Variants in NOX1 observed in about 807,000 individuals in gnomAD.
The protein encoded by NOX1 is NADPH oxidase 1.
Under a neutral mutation model 42.5 loss-of-function variants are expected in NOX1, and 34 were observed. That is an observed-to-expected ratio of 0.80 (90% CI 0.61 to 1.07). The LOEUF (loss-of-function observed/expected upper bound fraction) is 1.07, where lower values mean the gene tolerates loss of function less well. NOX1 is among the 50% of genes least tolerant of loss of function. The pLI is 0.00. For missense variants in NOX1, 408 were observed against 427.0 expected (o/e 0.96, Z 0.39); for synonymous variants, 143 against 152.5 (o/e 0.94, Z 0.46).
At chrX:100,855,594 C>A in intron 7 of NOX1, 1 of 982,115 alleles carries the variant, frequency 1.0e-6, no homozygotes, top group Non-Finnish European at 1.4e-6. Context: ...ACAACCCTGT[C>A]CACCACTTCC....
rs2085220671 is a variant in NOX1 at position 100,863,579 on chromosome X, G to T, written c.158C>A (p.Ala53Asp). 2 of 1,209,763 alleles carry T rather than the reference G, an allele frequency of 1.7e-6. No homozygotes were observed. The highest frequency in any genetic ancestry group is 2.2e-6 in the Non-Finnish European group (2 of 894,862). The change falls in exon 3 of 13, where the codon GCC (alanine) becomes GAC (aspartate). Residue 53 changes from alanine to aspartate, a missense_variant. By Grantham distance (126) the Ala-to-Asp change is moderately radical. Coordinates refer to ENST00000372966, the MANE Select transcript of NOX1 (RefSeq NM_007052.5). ...ATTCAAGCAGAGAGCAGACGCTCGG[G>T]CACAGGCCAATGTTGACTACAGCAG... ...RKILGSTLAC[A>D]RASALCLNFN...
At chrX:100,845,832 G>A (rs1403103371) in intron 12 of NOX1, among the ~76,000 whole-genome samples, 2 of 105,506 alleles carry the variant, frequency 1.9e-5, no homozygotes, top group African/African-American at 7.0e-5. Flanking sequence ...CGCCCAGGCT[G>A]GAGCGCAGTG....
intron 7 of NOX1, among the ~76,000 whole-genome samples, chrX:100,861,233 T>C (rs1355871253): frequency 9.0e-6 from 1 of 111,728 alleles, no homozygotes; most frequent in African/African-American, 3.2e-5. Context: ...AATGAAGATA[T>C]AGCTTTTTTC....
chrX:100,857,516 T>C, intron 7 of NOX1, among the ~76,000 whole-genome samples: 1 of 112,123 alleles, frequency 8.9e-6, no homozygotes, highest in Non-Finnish European at 1.9e-5. Flanking sequence ...GTGCTCCCTT[T>C]TCCTTGCAAC....
chrX:100,863,708 C>G, intron 2 of NOX1, 113 bp from the exon 3 acceptor site: 1 of 1,059,678 alleles, frequency 9.4e-7, no homozygotes, highest in Non-Finnish European at 1.2e-6. Flanking sequence ...GCTACAGCTG[C>G]CTCTCCTCTC....
chrX:100,862,794 T>G lies in NOX1; in HGVS notation c.364A>C (p.Asn122His). 4 of 1,199,650 alleles carry G rather than the reference T, an allele frequency of 3.3e-6. No homozygotes were observed. The highest frequency in any genetic ancestry group is 4.5e-6 in the Non-Finnish European group (4 of 891,639). ...CGGCTTCTGCTATAGCAGTCAAAGT[T>G]AAACAGGTGTGCAATGATGTGAATA... ...TAIHIIAHLF[N>H]FDCYSRSRQA... The change falls in exon 5 of 13, where the codon AAC (asparagine) becomes CAC (histidine). Residue 122 changes from asparagine to histidine, a missense_variant. By Grantham distance (68) the Asn-to-His change is moderately conservative. Transcript: ENST00000372966.
At chrX:100,863,055 G>A in intron 4 of NOX1, 104 bp downstream of exon 4, 1 of 666,337 alleles carries the variant, frequency 1.5e-6, no homozygotes, top group Non-Finnish European at 2.5e-6. Context: ...GACAAATAGT[G>A]CCCAGTGCTC....
At chrX:100,856,248 CCA>C in intron 7 of NOX1, 1 of 966,525 alleles carries the variant, frequency 1.0e-6, no homozygotes. Context: ...TCTCTCATTA[CCA>C]CACAGTCTGT....
At position 100,862,260 on chromosome X, in the gene NOX1, G is replaced by A. The variant is rs1392204941; in HGVS notation, c.715C>T (p.His239Tyr). Residue 239 changes from histidine (H) to tyrosine (Y), a missense_variant, in exon 7 of 13, where the codon CAT (histidine) becomes TAT (tyrosine). Coordinates refer to ENST00000372966, the MANE Select transcript of NOX1 (RefSeq NM_007052.5). ...AAAGACTCTGCACACTTGCGAGGATGACTCTCATTCATGCTCTCCTCTGTT... is the reference window on the plus strand; with the variant it reads ...AAAGACTCTGCACACTTGCGAGGATAACTCTCATTCATGCTCTCCTCTGTT... ...GQTEESMNESHPRKCAESFEM... is the reference protein window; with the variant it reads ...GQTEESMNESYPRKCAESFEM... 3 of 1,208,909 alleles carry A rather than the reference G, an allele frequency of 2.5e-6. No individual in the cohort carries two copies. The highest frequency in any genetic ancestry group is 3.4e-6 in the Non-Finnish European group (3 of 894,724).
At chrX:100,847,907 G>A (rs1466537551) in intron 12 of NOX1, among the ~76,000 whole-genome samples, 1 of 110,341 alleles carries the variant, frequency 9.1e-6, no homozygotes, top group Admixed American at 9.7e-5. Flanking sequence ...TTTTTGTGCT[G>A]TAACATGTCT....
intron 2 of NOX1, 119 bp from the exon 3 acceptor site, chrX:100,863,714 C>T: frequency 9.5e-7 from 1 of 1,052,951 alleles, no homozygotes; most frequent in Non-Finnish European, 1.2e-6. Flanking sequence ...GCTGCCTCTC[C>T]TCTCTCTCAG....
chrX:100,874,119 G>C lies in NOX1; in HGVS notation c.21C>G (p.Asn7Lys), dbSNP rs781062964. 1.7e-6 allele frequency: 2 copies of C among 1,205,320 alleles called. No homozygotes were observed. Among genetic ancestry groups the C allele is most frequent in the Non-Finnish European group, 1.1e-6 (1 of 890,544 alleles). Residue 7 changes from asparagine to lysine, a missense_variant, in exon 1 of 13, where the codon AAC becomes AAG. Coordinates refer to ENST00000372966, the MANE Select transcript of NOX1 (RefSeq NM_007052.5). ...CCAGAAACAAAACTGAAAACCAGTG[G>C]TTAACCACCCAGTTTCCCATTGTCA... is the stretch of plus-strand genomic sequence containing the variant. MGNWVV[N>K]HWFSVLFLVV...
chrX:100,853,248 TCC>T (rs1491581741), intron 7 of NOX1, among the ~76,000 whole-genome samples: 5 of 44,937 alleles, frequency 1.1e-4, no homozygotes, highest in African/African-American at 2.6e-4. Flanking sequence ...TTTCTTTCCT[TCC>T]TTCCTTCCTT....
intron 10 of NOX1, 54 bp from the exon 11 acceptor site, chrX:100,849,480 TTA>T: frequency 8.8e-7 from 1 of 1,133,175 alleles, no homozygotes; most frequent in South Asian, 2.0e-5. Flanking sequence ...AAAGTCACAT[TTA>T]TAGAGCCGCA....
intron 2 of NOX1, among the ~76,000 whole-genome samples, chrX:100,868,951 G>A (rs2085255952): frequency 9.0e-6 from 1 of 110,640 alleles, no homozygotes; most frequent in Non-Finnish European, 1.9e-5. Flanking sequence ...TCTCAGGTTT[G>A]TCAAAGATCA....
chrX:100,859,762 T>G (rs1314491075), intron 7 of NOX1, among the ~76,000 whole-genome samples: 2 of 108,117 alleles, frequency 1.8e-5, no homozygotes, highest in African/African-American at 3.4e-5. Context: ...TCTGAGGGTT[T>G]TTTTTTTTTT....
At chrX:100,851,199 T>C in intron 8 of NOX1, 34 bp downstream of exon 8, 1 of 905,988 alleles carries the variant, frequency 1.1e-6, no homozygotes, top group Non-Finnish European at 1.6e-6. Context: ...AAGATAACTC[T>C]TATCACAGCA....
At chrX:100,862,059 C>T (rs1259960257) in intron 7 of NOX1, 112 bp downstream of exon 7, 1 of 881,605 alleles carries the variant, frequency 1.1e-6, no homozygotes, top group African/African-American at 2.1e-5. Flanking sequence ...TCATAAGACC[C>T]AGCACAGGAC....
At chrX:100,853,808 T>C (rs2085147580) in intron 7 of NOX1, among the ~76,000 whole-genome samples, 2 of 110,827 alleles carry the variant, frequency 1.8e-5, no homozygotes, top group African/African-American at 6.5e-5. Flanking sequence ...AGTGCTGGGA[T>C]TACAGGCATG....
Sources: allele counts gnomAD v4.1 joint callset (sites outside exome capture counted in the v4.1 genomes callset), GRCh38; gene constraint gnomAD v4.1.1; transcripts MANE v1.5; gene names NCBI Gene and HGNC (gene_info 2026-07-23, HGNC 2026-07-21).